MAGI3: variants seen among roughly 807,000 people sequenced by gnomAD.
MAGI3 encodes the protein membrane associated guanylate kinase, WW and PDZ domain containing 3.
Under a neutral mutation model 121.8 loss-of-function variants are expected in MAGI3, and 43 were observed. The ratio of observed to expected loss-of-function variants is 0.35; its 90% CI spans 0.28 to 0.46. The LOEUF (loss-of-function observed/expected upper bound fraction) is 0.46. Among genes scored for constraint, MAGI3 ranks in the 20% least tolerant of loss-of-function variants. The pLI, the probability that MAGI3 is intolerant of heterozygous loss-of-function variation, is 1.00. For missense variants in MAGI3, 1,547 were observed against 1,797.3 expected (o/e 0.86, Z 2.52); for synonymous variants, 553 against 639.3 (o/e 0.86, Z 2.04).
rs900983093 is a variant in MAGI3 at position 113,642,022 on chromosome 1, G to A, written c.1472G>A (p.Cys491Tyr). Residue 491 changes from cysteine (C) to tyrosine (Y), a missense_variant, in exon 10 of 21, where the codon TGT becomes TAT. By Grantham distance (194) the Cys-to-Tyr change is radical. Transcript: ENST00000307546. ...PVNQYVNLTL[C>Y]RGYPLPDDSE... ...AATCAGTATGTAAACCTCACTTTAT[G>A]TCGTGGTTATCCACTTCCTGATGAC... 6 of 1,614,014 alleles carry A rather than the reference G, an allele frequency of 3.7e-6. No homozygotes were observed. The highest frequency in any genetic ancestry group is 1.3e-5 in the African/African-American group (1 of 74,910).
At chr1:113,511,370 G>C (rs1657607039) in intron 1 of MAGI3, among the ~76,000 whole-genome samples, 1 of 152,148 alleles carries the variant, frequency 6.6e-6, no homozygotes, top group African/African-American at 2.4e-5. Context: ...ACTAACACAA[G>C]TTAGGAAAGA....
At chr1:113,451,444 T>C (rs1195391835) in intron 1 of MAGI3, among the ~76,000 whole-genome samples, 2 of 152,170 alleles carry the variant, frequency 1.3e-5, no homozygotes, top group Non-Finnish European at 2.9e-5. Flanking sequence ...TTGTACACAA[T>C]ATTATATATT....
intron 1 of MAGI3, among the ~76,000 whole-genome samples, chr1:113,421,315 T>G (rs1357957235): frequency 6.6e-6 from 1 of 152,206 alleles, no homozygotes; most frequent in Non-Finnish European, 1.5e-5. Flanking sequence ...GCTATTCATT[T>G]GACAGTGAAA....
chr1:113,671,344 G>T (rs1255046534), intron 16 of MAGI3, among the ~76,000 whole-genome samples: 1 of 152,136 alleles, frequency 6.6e-6, no homozygotes, highest in Non-Finnish European at 1.5e-5. Context: ...CTGAGACCCG[G>T]CTTTGTTATC....
intron 1 of MAGI3, among the ~76,000 whole-genome samples, chr1:113,524,361 A>G (rs115336131): frequency 0.023 from 3,513 of 152,034 alleles, 132 homozygotes; most frequent in African/African-American, 0.08. Flanking sequence ...AGCTTGCACC[A>G]GAAAAGCTGC....
At chr1:113,436,347 G>GA (rs1182764439) in intron 1 of MAGI3, among the ~76,000 whole-genome samples, 1 of 151,988 alleles carries the variant, frequency 6.6e-6, no homozygotes, top group African/African-American at 2.4e-5. Context: ...ATTAAGACAT[G>GA]AAAACATTAG....
Position 113,391,189 on chromosome 1 carries a change from C to T in MAGI3, c.156C>T (p.Pro52=), listed in dbSNP as rs571273017. ...FPYLGRLREE[P]GGGTCCVVSG... ...ACCTGGGGCGGCTCCGCGAGGAGCC[C>T]GGCGGGGGCACCTGCTGCGTCGTCT... is the stretch of plus-strand genomic sequence containing the variant. The change falls in exon 1 of 21, where the codon CCC becomes CCT. Residue 52 remains proline (P), a synonymous_variant. Coordinates refer to ENST00000307546, the MANE Select transcript of MAGI3 (RefSeq NM_001142782.2). The surrounding 1 kb of genome is among the most constrained non-coding windows in gnomAD (Gnocchi z 4.4). The T allele has an allele frequency of 2.6e-6, 4 of 1,551,594 alleles. No homozygotes were observed. The highest frequency in any genetic ancestry group is 3.5e-6 in the Non-Finnish European group (4 of 1,147,930).
At chr1:113,491,531 C>T (rs111788670) in intron 1 of MAGI3, among the ~76,000 whole-genome samples, 9 of 151,936 alleles carry the variant, frequency 5.9e-5, no homozygotes, top group Non-Finnish European at 7.4e-5. Flanking sequence ...AAAATTAGAG[C>T]GAACTGAAGG....
chr1:113,524,864 A>G (rs1482848490), intron 1 of MAGI3, among the ~76,000 whole-genome samples: 1 of 152,138 alleles, frequency 6.6e-6, no homozygotes, highest in African/African-American at 2.4e-5. Flanking sequence ...TTCCCACCCA[A>G]ATCTCATCTT....
chr1:113,558,437 AC>A (rs1352393719), intron 2 of MAGI3, among the ~76,000 whole-genome samples: 1 of 152,212 alleles, frequency 6.6e-6, no homozygotes, highest in African/African-American at 2.4e-5. Context: ...AGCAGAATAA[AC>A]CAAGCGGGGA....
At chr1:113,642,883 G>T (rs911333016) in intron 10 of MAGI3, among the ~76,000 whole-genome samples, 1 of 152,116 alleles carries the variant, frequency 6.6e-6, no homozygotes, top group African/African-American at 2.4e-5. Context: ...TCAACCAATG[G>T]TGTGTCATCT....
At chr1:113,573,205 G>A (rs76752412) in intron 2 of MAGI3, among the ~76,000 whole-genome samples, 18,995 of 152,192 alleles carry the variant, frequency 0.12, 1,255 homozygotes, top group East Asian at 0.18. Context: ...GATTACAGGC[G>A]TGAGCCATTG....
At chr1:113,432,316 T>A (rs1257930157) in intron 1 of MAGI3, among the ~76,000 whole-genome samples, 1 of 152,212 alleles carries the variant, frequency 6.6e-6, no homozygotes, top group Admixed American at 6.5e-5. Flanking sequence ...CTTCATTTTT[T>A]AAAATAAGGA....
intron 1 of MAGI3, among the ~76,000 whole-genome samples, chr1:113,470,523 T>A (rs1488481037): frequency 6.6e-6 from 1 of 152,174 alleles, no homozygotes; most frequent in Admixed American, 6.5e-5. Flanking sequence ...TCACCTCACA[T>A]GGTAACTATA....
chr1:113,628,223 CTATAT>C (rs1486723723), intron 9 of MAGI3, among the ~76,000 whole-genome samples: 1 of 152,022 alleles, frequency 6.6e-6, no homozygotes, highest in East Asian at 1.9e-4. Context: ...CTAGAAAATA[CTATAT>C]TATAACTCAT....
chr1:113,563,015 TAAAAG>T (rs1241010723), intron 2 of MAGI3, among the ~76,000 whole-genome samples: 3 of 152,152 alleles, frequency 2.0e-5, no homozygotes, highest in Non-Finnish European at 4.4e-5. Context: ...ATAAAAATAT[TAAAAG>T]AAAATGTTAG....
chr1:113,633,788 CTA>C, intron 9 of MAGI3, among the ~76,000 whole-genome samples: 1 of 152,274 alleles, frequency 6.6e-6, no homozygotes, highest in South Asian at 2.1e-4. Context: ...ATTTCTAGTT[CTA>C]GATCCCTGAG....
intron 2 of MAGI3, among the ~76,000 whole-genome samples, chr1:113,560,219 C>A (rs1557823441): frequency 6.6e-6 from 1 of 151,854 alleles, no homozygotes; most frequent in Non-Finnish European, 1.5e-5. Context: ...TTAAGAAATT[C>A]ACTCAAAAAT....
At chr1:113,635,817 G>T (rs1376223430) in intron 9 of MAGI3, among the ~76,000 whole-genome samples, 2 of 151,318 alleles carry the variant, frequency 1.3e-5, no homozygotes, top group Admixed American at 6.6e-5. Flanking sequence ...GTTCCTCCTT[G>T]TACCTCTGGT....
Sources: gnomAD v4.1 joint callset for allele counts (sites outside exome capture counted in the v4.1 genomes callset) on GRCh38, gnomAD v4.1.1 for gene constraint, Gnocchi (gnomAD v3.1) non-coding constraint, MANE v1.5 for transcripts, NCBI Gene and HGNC (gene_info 2026-07-23, HGNC 2026-07-21) for gene names.